The following TEKT5 variants were observed in gnomAD, a reference collection of about 807,000 sequenced individuals.
TEKT5 encodes tektin-5.
A neutral mutation model predicts 48.7 loss-of-function variants in TEKT5; 52 were observed. The ratio of observed to expected loss-of-function variants is 1.07; its 90% CI spans 0.86 to 1.35. The LOEUF (loss-of-function observed/expected upper bound fraction) is 1.35. Among genes scored for constraint, TEKT5 ranks in the 40% most tolerant of loss-of-function variants. The pLI, the probability that TEKT5 is intolerant of heterozygous loss-of-function variation, is 0.00. For synonymous variants in TEKT5, 318 were observed against 267.6 expected (o/e 1.19, Z -1.84); for missense variants, 831 against 641.6 (o/e 1.30, Z -3.19).
chr16:10,646,957 G>C (rs977290800), intron 5 of TEKT5, among the ~76,000 whole-genome samples: 2 of 152,210 alleles, frequency 1.3e-5, no homozygotes, highest in African/African-American at 4.8e-5. Context: ...CCTCCCCTTT[G>C]TGGGGGCAGT....
intron 6 of TEKT5, among the ~76,000 whole-genome samples, chr16:10,633,873 C>T (rs1596399652): frequency 6.6e-6 from 1 of 152,120 alleles, no homozygotes; most frequent in Admixed American, 6.5e-5. Context: ...CTCCACCCCA[C>T]CCCAACACAT....
chr16:10,687,347 T>C (rs147862937), intron 3 of TEKT5, among the ~76,000 whole-genome samples: 304 of 152,302 alleles, frequency 2.0e-3, no homozygotes, highest in Non-Finnish European at 3.2e-3. Flanking sequence ...CTTTTGTCAA[T>C]TAAAAATGAA....
chr16:10,672,788 A>C (rs912946229), intron 5 of TEKT5, among the ~76,000 whole-genome samples: 2 of 151,152 alleles, frequency 1.3e-5, no homozygotes, highest in African/African-American at 2.4e-5. Flanking sequence ...ATGTGCCCGC[A>C]CTCCTTCAGG....
intron 5 of TEKT5, among the ~76,000 whole-genome samples, chr16:10,659,789 G>A (rs980653443): frequency 1.7e-4 from 26 of 152,214 alleles, no homozygotes; most frequent in Non-Finnish European, 3.5e-4. Context: ...GCTTAAAGGT[G>A]AAAGGTGAAT....
At chr16:10,690,626 C>T (rs1596423194) in intron 1 of TEKT5, 3 of 985,390 alleles carry the variant, frequency 3.0e-6, no homozygotes, top group Non-Finnish European at 3.6e-6. Flanking sequence ...CCCCTCTTTG[C>T]AGATCTCCCA....
intron 4 of TEKT5, 82 bp downstream of exon 4, chr16:10,681,911 C>T: frequency 2.6e-6 from 4 of 1,545,154 alleles, no homozygotes; most frequent in Non-Finnish European, 3.5e-6. Flanking sequence ...GCACGATGCC[C>T]CTTCGCCATT....
At chr16:10,644,116 G>A (rs374183535) in intron 5 of TEKT5, among the ~76,000 whole-genome samples, 190 of 152,306 alleles carry the variant, frequency 1.2e-3, no homozygotes, top group African/African-American at 4.2e-3. Flanking sequence ...ACACTTTAAA[G>A]TTACACAAGG....
intron 6 of TEKT5, among the ~76,000 whole-genome samples, chr16:10,628,216 C>T (rs1897784281): frequency 1.3e-5 from 2 of 152,180 alleles, no homozygotes; most frequent in Middle Eastern, 3.2e-3. Flanking sequence ...CACTGAGAGA[C>T]AGCAGCAAGC....
At chr16:10,638,868 A>G (rs1303240295) in intron 5 of TEKT5, among the ~76,000 whole-genome samples, 2 of 152,230 alleles carry the variant, frequency 1.3e-5, no homozygotes, top group African/African-American at 2.4e-5. Flanking sequence ...GACAGACAAG[A>G]CTATGATGTA....
chr16:10,685,014 G>A (rs1898836207), intron 3 of TEKT5, among the ~76,000 whole-genome samples: 1 of 152,216 alleles, frequency 6.6e-6, no homozygotes, highest in Non-Finnish European at 1.5e-5. Context: ...CCTGGCTAAT[G>A]AGGCTCTGGC....
chr16:10,694,929 C>G lies in TEKT5; in HGVS notation c.-56G>C, dbSNP rs1899057802. Reference sequence around the variant, plus strand: ...TCAGCTCAAGGAGCCAAAGGCATCACCAGGAAAGGTGAAAGTGCTTCTCTT... The same window carrying G: ...TCAGCTCAAGGAGCCAAAGGCATCAGCAGGAAAGGTGAAAGTGCTTCTCTT... On this transcript the variant is annotated 5_prime_UTR_variant, in exon 1 of 7. Transcript: ENST00000283025. 6.8e-7 allele frequency: 1 copy of G among 1,474,412 alleles called. No individual in the cohort carries two copies. The highest frequency in any genetic ancestry group is 9.0e-7 in the Non-Finnish European group (1 of 1,109,654). 91.3% of individuals were successfully genotyped at this position (1,474,412 alleles called of 1,614,324 possible).
intron 3 of TEKT5, 148 bp from the exon 4 acceptor site, chr16:10,682,284 A>T: frequency 1.3e-6 from 1 of 788,956 alleles, no homozygotes; most frequent in Non-Finnish European, 2.0e-6. Context: ...ATGTCCCACC[A>T]CATACCCAGA....
chr16:10,662,729 C>CATG (rs1898394821), intron 5 of TEKT5, among the ~76,000 whole-genome samples: 1 of 152,194 alleles, frequency 6.6e-6, no homozygotes, highest in African/African-American at 2.4e-5. Context: ...ATGACAGGAC[C>CATG]ACCTGGAGTA....
chr16:10,632,319 A>T (rs1163171049), intron 6 of TEKT5, among the ~76,000 whole-genome samples: 10 of 151,128 alleles, frequency 6.6e-5, no homozygotes, highest in African/African-American at 2.4e-4. Context: ...TTTTTTTTTG[A>T]CAGGGTGTTG....
intron 5 of TEKT5, among the ~76,000 whole-genome samples, chr16:10,665,781 T>C (rs1033546021): frequency 6.6e-6 from 1 of 152,194 alleles, no homozygotes; most frequent in African/African-American, 2.4e-5. Context: ...GGAAGGGCTT[T>C]TGATTCCTCC....
Position 10,636,322 on chromosome 16 carries a change from C to G in TEKT5, c.1087-404G>C, listed in dbSNP as rs1250563344. Among the ~76,000 whole-genome samples the G allele has an allele frequency of 2.0e-5, 3 of 151,270 alleles. No homozygotes were observed. The East Asian group carries it at 5.8e-4, about 29-fold the overall frequency. The stretch of plus-strand genomic sequence containing the variant: ...CCCGGGAGGCGGAGGTTGCAGTGAG[C>G]TGAGATTGTGCCACCGCACTCCAGC... On this transcript the variant is annotated intron_variant, in intron 5 of 6. Coordinates refer to ENST00000283025, the MANE Select transcript of TEKT5 (RefSeq NM_144674.2).
intron 5 of TEKT5, among the ~76,000 whole-genome samples, chr16:10,671,198 T>C (rs1898543155): frequency 6.6e-6 from 1 of 152,256 alleles, no homozygotes; most frequent in African/African-American, 2.4e-5. Context: ...TGTTACCATG[T>C]AGAAATTCTT....
chr16:10,641,639 A>G (rs181424617), intron 5 of TEKT5, among the ~76,000 whole-genome samples: 15 of 152,266 alleles, frequency 9.9e-5, no homozygotes, highest in African/African-American at 3.1e-4. Context: ...GGGGCAACAT[A>G]GTGAGACCTT....
intron 5 of TEKT5, among the ~76,000 whole-genome samples, chr16:10,658,800 C>G (rs1000425042): frequency 2.6e-5 from 4 of 152,202 alleles, no homozygotes; most frequent in Non-Finnish European, 4.4e-5. Flanking sequence ...TCACTGCAAC[C>G]TCTGCCTCCT....
Sources: gnomAD v4.1 joint callset for allele counts (sites outside exome capture counted in the v4.1 genomes callset) on GRCh38, gnomAD v4.1.1 for gene constraint, MANE v1.5 for transcripts, NCBI Gene and HGNC (gene_info 2026-07-23, HGNC 2026-07-21) for gene names.